MICU1: variants seen among roughly 807,000 people sequenced by gnomAD.
The protein encoded by MICU1 is mitochondrial calcium uptake 1.
MICU1 carries 45 observed loss-of-function variants against 56.8 expected under a neutral mutation model. That is an observed-to-expected ratio of 0.79 (90% CI 0.62 to 1.02). The LOEUF (loss-of-function observed/expected upper bound fraction) is 1.02, where lower values mean the gene tolerates loss of function less well. Among genes scored for constraint, MICU1 ranks in the 50% least tolerant of loss-of-function variants. The pLI is 0.00. For synonymous variants in MICU1, 186 were observed against 195.1 expected (o/e 0.95, Z 0.39); for missense variants, 504 against 587.1 (o/e 0.86, Z 1.46).
At chr10:72,533,656 A>C in intron 5 of MICU1, 90 bp downstream of exon 5, 1 of 951,584 alleles carries the variant, frequency 1.1e-6, no homozygotes, top group Non-Finnish European at 1.6e-6. Flanking sequence ...ACAGGTATTC[A>C]GTGATTTCTC....
At chr10:72,390,483 A>G (rs1376657094) in intron 10 of MICU1, among the ~76,000 whole-genome samples, 1 of 152,192 alleles carries the variant, frequency 6.6e-6, no homozygotes, top group Admixed American at 6.5e-5. Flanking sequence ...TGAACCATGG[A>G]ATACTTTTTT....
intron 1 of MICU1, among the ~76,000 whole-genome samples, chr10:72,590,512 T>A (rs1474486960): frequency 6.6e-6 from 1 of 151,998 alleles, no homozygotes; most frequent in Admixed American, 6.6e-5. Flanking sequence ...AGAAGATAAG[T>A]AAGAAAACAG....
At chr10:72,612,200 A>G (rs1841869996) in intron 1 of MICU1, among the ~76,000 whole-genome samples, 1 of 152,008 alleles carries the variant, frequency 6.6e-6, no homozygotes, top group African/African-American at 2.4e-5. Context: ...TCCCAGACTC[A>G]TTAGGCTAAA....
chr10:72,512,627 T>C (rs1284896228), intron 5 of MICU1, among the ~76,000 whole-genome samples: 1 of 152,164 alleles, frequency 6.6e-6, no homozygotes, highest in Non-Finnish European at 1.5e-5. Flanking sequence ...GTCAATTCTT[T>C]TGGTATGTAC....
chr10:72,461,488 T>C (rs556092457), intron 8 of MICU1, among the ~76,000 whole-genome samples: 36 of 152,366 alleles, frequency 2.4e-4, no homozygotes, highest in Middle Eastern at 3.4e-3. Flanking sequence ...CATTGTACCA[T>C]ATACATATCT....
Position 72,551,550 on chromosome 10 carries a change from T to C in MICU1, c.331-209A>G, listed in dbSNP as rs555295916. Among the ~76,000 whole-genome samples the C allele has an allele frequency of 5.9e-5, 9 of 152,320 alleles. No individual in the cohort carries two copies. The South Asian group carries it at 1.7e-3, about 28-fold the overall frequency. On this transcript the variant is annotated intron_variant, in intron 3 of 11. Coordinates refer to ENST00000361114, the MANE Select transcript of MICU1 (RefSeq NM_001195518.2). ...TTGGAATTTTTTATTTCTTGCAATA[T>C]ACCATTCATATTCCAGTTGAGGCAA...
At chr10:72,465,362 A>C (rs1387838731) in intron 8 of MICU1, among the ~76,000 whole-genome samples, 2 of 149,298 alleles carry the variant, frequency 1.3e-5, no homozygotes, top group Non-Finnish European at 3.0e-5. Context: ...GGCTCACTGA[A>C]GTTATAAATA....
Position 72,555,551 on chromosome 10 carries a change from G to A in MICU1, c.331-4210C>T, listed in dbSNP as rs1251963129. 3.9e-5 allele frequency among the ~76,000 whole-genome samples: 6 copies of A among 152,210 alleles called. No homozygotes were observed. The South Asian group carries it at 6.2e-4, about 16-fold the overall frequency. On this transcript the variant is annotated intron_variant, in intron 3 of 11. Transcript: ENST00000361114. ...TCTACCCAAGTTGGTAGTACTGACT[G>A]TGATGAGTACCTCACTCACTCAAAC...
At chr10:72,495,420 C>T (rs1454263628) in intron 6 of MICU1, among the ~76,000 whole-genome samples, 1 of 152,070 alleles carries the variant, frequency 6.6e-6, no homozygotes, top group East Asian at 1.9e-4. Flanking sequence ...CTTTGGGAGC[C>T]CAAGGCGGAT....
chr10:72,604,361 C>CG (rs35984338), intron 1 of MICU1, among the ~76,000 whole-genome samples: 69,674 of 150,196 alleles, frequency 0.46, 20,047 homozygotes, highest in Non-Finnish European at 0.67. Flanking sequence ...GCAACCTCCC[C>CG]CTCCTGGGTT....
At chr10:72,500,261 CATATATATATATATATATAT>C (rs869065639) in intron 6 of MICU1, among the ~76,000 whole-genome samples, 47 of 29,074 alleles carry the variant, frequency 1.6e-3, no homozygotes, top group South Asian at 6.9e-3. Context: ...TACATACATA[CATATATATATATATATATAT>C]ATATATATAT....
chr10:72,571,517 G>C (rs1386299220), intron 1 of MICU1, among the ~76,000 whole-genome samples: 1 of 152,164 alleles, frequency 6.6e-6, no homozygotes, highest in Non-Finnish European at 1.5e-5. Flanking sequence ...CAAGAATTTA[G>C]AGCATATGTA....
At chr10:72,581,065 A>G (rs1840886153) in intron 1 of MICU1, among the ~76,000 whole-genome samples, 1 of 152,252 alleles carries the variant, frequency 6.6e-6, no homozygotes, top group Non-Finnish European at 1.5e-5. Flanking sequence ...ACTGAGGAGT[A>G]GTGACATAAT....
intron 8 of MICU1, among the ~76,000 whole-genome samples, chr10:72,466,114 C>T (rs1865787932): frequency 6.6e-6 from 1 of 152,044 alleles, no homozygotes; most frequent in Admixed American, 6.6e-5. Flanking sequence ...TGCTTTGGGG[C>T]CATTAGTAAA....
At chr10:72,519,239 A>G (rs1020792607) in intron 5 of MICU1, among the ~76,000 whole-genome samples, 4 of 152,252 alleles carry the variant, frequency 2.6e-5, no homozygotes, top group Admixed American at 2.6e-4. Context: ...TGAACAAAAT[A>G]TAACTGTTTT....
In MICU1 at chr10:72,512,101, TTTTTTG is replaced by T. The variant is rs1414796978; in HGVS notation, c.538-3838_538-3833del. ...TCAATCTGGCATCCATACACAGTTG[TTTTTTG>T]TTTTTTTTTTTTTTTTTTTTTTTGA... On this transcript the variant is annotated intron_variant, in intron 5 of 11. Coordinates refer to ENST00000361114, the MANE Select transcript of MICU1 (RefSeq NM_001195518.2). 2.7e-3 allele frequency among the ~76,000 whole-genome samples: 216 copies of T among 81,302 alleles called. 5 individuals carry two copies. Among genetic ancestry groups the T allele is most frequent in the African/African-American group, 0.01 (198 of 19,282 alleles). 53.3% of individuals were successfully genotyped at this position (81,302 alleles called of 152,430 possible). A position where few individuals can be genotyped will look rare whatever the true frequency, so the allele number is the denominator to read the frequency against.
chr10:72,543,638 G>A (rs574880707), intron 4 of MICU1, among the ~76,000 whole-genome samples: 5 of 152,248 alleles, frequency 3.3e-5, no homozygotes, highest in East Asian at 1.9e-4. Flanking sequence ...GGCAGATCAC[G>A]AGGTCAGGAG....
At chr10:72,447,172 A>G (rs1589228575) in intron 8 of MICU1, among the ~76,000 whole-genome samples, 1 of 152,236 alleles carries the variant, frequency 6.6e-6, no homozygotes, top group African/African-American at 2.4e-5. Context: ...CAGGAGCAGT[A>G]GGGACAAACT....
chr10:72,379,401 T>C (rs1204521548), intron 10 of MICU1: 1 of 218,496 alleles, frequency 4.6e-6, no homozygotes, highest in African/African-American at 2.3e-5. Flanking sequence ...CGGAACCTGT[T>C]CTGTATTAGA....
Sources: allele counts gnomAD v4.1 joint callset (sites outside exome capture counted in the v4.1 genomes callset), GRCh38; gene constraint gnomAD v4.1.1; transcripts MANE v1.5; gene names NCBI Gene and HGNC (gene_info 2026-07-23, HGNC 2026-07-21).